PMF1: variants seen among roughly 807,000 people sequenced by gnomAD.
PMF1 encodes the protein polyamine-modulated factor 1.
A neutral mutation model predicts 26.7 loss-of-function variants in PMF1; 21 were observed. The ratio of observed to expected loss-of-function variants is 0.79; its 90% confidence interval spans 0.56 to 1.13. PMF1 has a LOEUF of 1.13. PMF1 is among the 50% of genes most tolerant of loss of function. PMF1 has a pLI of 0.00. For synonymous variants in PMF1, 105 were observed against 101.0 expected (o/e 1.04, Z -0.24); for missense variants, 266 against 254.9 (o/e 1.04, Z -0.30).
At chr1:156,217,598 C>T (rs562951617) in intron 1 of PMF1, among the ~76,000 whole-genome samples, 4 of 152,094 alleles carry the variant, frequency 2.6e-5, no homozygotes, top group Admixed American at 2.6e-4. Context: ...TCATAATGCC[C>T]ACCAGTAATC....
At chr1:156,217,743 A>AG (rs1168889416) in intron 1 of PMF1, among the ~76,000 whole-genome samples, 3 of 151,310 alleles carry the variant, frequency 2.0e-5, no homozygotes, top group Non-Finnish European at 4.4e-5. Context: ...AAAAAAAAAA[A>AG]CAAAACTAAC....
At chr1:156,226,079 TCCTGACCTCAAGTGATCCCCCCACTTCGG>T (rs1658355969) in intron 1 of PMF1, among the ~76,000 whole-genome samples, 1 of 152,162 alleles carries the variant, frequency 6.6e-6, no homozygotes, top group Non-Finnish European at 1.5e-5. Flanking sequence ...GGTCTCAAGC[TCCTGACCTCAAGTGATCCCCCCACTTCGG>T]CCTCCCAAAG....
At chr1:156,215,661 G>A (rs1024288670) in intron 1 of PMF1, among the ~76,000 whole-genome samples, 59 of 152,082 alleles carry the variant, frequency 3.9e-4, no homozygotes, top group Non-Finnish European at 8.2e-4. Flanking sequence ...CAGAGTGCTA[G>A]GATTACAGGC....
At position 156,213,183 on chromosome 1, in the gene PMF1, T is replaced by G; in HGVS notation, c.161+7T>G. 1 of 1,611,998 alleles carries G rather than the reference T, an allele frequency of 6.2e-7. No individual in the cohort carries two copies. The highest frequency in any genetic ancestry group is 1.3e-5 in the African/African-American group (1 of 75,036). Reference sequence around the variant, plus strand: ...AGCTGGTCGCCGCCGGCAGGTAAAGTGGACGCAGCCGCGGTGGGAGTGTTT... The same window carrying G: ...AGCTGGTCGCCGCCGGCAGGTAAAGGGGACGCAGCCGCGGTGGGAGTGTTT... On this transcript the variant is annotated splice_region_variant and intron_variant, in intron 1 of 4. Coordinates refer to ENST00000368277, the MANE Select transcript of PMF1 (RefSeq NM_007221.4).
intron 1 of PMF1, among the ~76,000 whole-genome samples, chr1:156,214,872 A>ATTTT (rs1228169844): frequency 3.4e-5 from 5 of 149,200 alleles, no homozygotes; most frequent in African/African-American, 1.2e-4. Context: ...TATTATTATT[A>ATTTT]TTATTATTAT....
rs1249390130 is a variant in PMF1, at chr1:156,213,117, GGTGA to G, written c.103_106del (p.Val35SerfsTer37). On this transcript the variant is annotated frameshift_variant, in exon 1 of 5. Coordinates refer to ENST00000368277, the MANE Select transcript of PMF1 (RefSeq NM_007221.4). LOFTEE classifies it high-confidence loss of function. ...TGCCACCCGGCACTACCATTTCGAG[GGTGA>G]AGCTCCTCGACACCATGGTGGACAC... 41 of 1,614,132 alleles carry G rather than the reference GGTGA, an allele frequency of 2.5e-5. No individual in the cohort carries two copies. The highest frequency in any genetic ancestry group is 3.5e-5 in the Non-Finnish European group (41 of 1,180,038).
chr1:156,218,871 T>G (rs890449194), intron 1 of PMF1, among the ~76,000 whole-genome samples: 1 of 152,194 alleles, frequency 6.6e-6, no homozygotes, highest in Non-Finnish European at 1.5e-5. Context: ...ATTCATTTTT[T>G]TTCACCTTAT....
chr1:156,239,484 G>C (rs1178052369), intron 4 of PMF1, 64 bp from the exon 5 acceptor site: 8 of 1,361,356 alleles, frequency 5.9e-6, no homozygotes, highest in African/African-American at 1.4e-5. Context: ...GTCAGGGACA[G>C]TGGAGGGCAA....
chr1:156,218,037 G>GT (rs1312205048), intron 1 of PMF1, among the ~76,000 whole-genome samples: 1 of 152,166 alleles, frequency 6.6e-6, no homozygotes, highest in Non-Finnish European at 1.5e-5. Flanking sequence ...CCGTCACTGG[G>GT]TTTTTTACCA....
At chr1:156,226,962 G>A (rs769698297) in intron 1 of PMF1, among the ~76,000 whole-genome samples, 1 of 152,092 alleles carries the variant, frequency 6.6e-6, no homozygotes, top group Non-Finnish European at 1.5e-5. Flanking sequence ...GAGGCTCCTG[G>A]GGGAGGACTC....
intron 1 of PMF1, among the ~76,000 whole-genome samples, chr1:156,223,190 G>A (rs1428086925): frequency 2.6e-5 from 4 of 152,264 alleles, no homozygotes; most frequent in South Asian, 2.1e-4. Context: ...CTTTCCCTCC[G>A]TATGTTTCCA....
intron 1 of PMF1, among the ~76,000 whole-genome samples, chr1:156,221,899 C>T (rs759710421): frequency 1.4e-4 from 21 of 152,148 alleles, no homozygotes; most frequent in Non-Finnish European, 2.6e-4. Flanking sequence ...CTCTCGCCTC[C>T]GACTCCTCCT....
intron 1 of PMF1, among the ~76,000 whole-genome samples, chr1:156,222,167 C>T (rs1379311133): frequency 6.6e-6 from 1 of 152,230 alleles, no homozygotes; most frequent in Non-Finnish European, 1.5e-5. Flanking sequence ...CGTGGGAGTA[C>T]AGCGCATGCA....
chr1:156,216,669 C>T (rs1405783689), intron 1 of PMF1, among the ~76,000 whole-genome samples: 3 of 151,740 alleles, frequency 2.0e-5, no homozygotes, highest in Non-Finnish European at 4.4e-5. Context: ...GCGGCGAGGG[C>T]TACCCTGCCC....
At chr1:156,216,738 C>T (rs1214008236) in intron 1 of PMF1, among the ~76,000 whole-genome samples, 1 of 147,622 alleles carries the variant, frequency 6.8e-6, no homozygotes, top group East Asian at 1.9e-4. Context: ...CCCACTGGCT[C>T]CGTGCCGTGC....
At chr1:156,213,275 C>T (rs1572472450) in intron 1 of PMF1, 99 bp downstream of exon 1, 2 of 1,529,588 alleles carry the variant, frequency 1.3e-6, no homozygotes, top group East Asian at 4.7e-5. Context: ...TGACGTGGGT[C>T]CGCGTTGGGG....
rs12731569 is a variant in PMF1, at chr1:156,225,542, T to C, written c.162-6778T>C. Reference sequence around the variant, plus strand: ...TCTGTTTGTTTTGTTCTCAGCCTGTTTGTTTTGTTCTCAGCTCTCCACTCC... The same window carrying C: ...TCTGTTTGTTTTGTTCTCAGCCTGTCTGTTTTGTTCTCAGCTCTCCACTCC... On this transcript the variant is annotated intron_variant, in intron 1 of 4. Coordinates refer to ENST00000368277, the MANE Select transcript of PMF1 (RefSeq NM_007221.4). 0.01 allele frequency: 14,906 copies of C among 1,464,784 alleles called. 1,232 individuals carry two copies. The African/African-American group carries it at 0.18, about 18-fold the overall frequency. The allele number at this position is 1,464,784 out of a possible 1,614,324, so 90.7% of individuals were successfully genotyped here.
chr1:156,236,682 G>C (rs918593111), intron 4 of PMF1, 199 bp downstream of exon 4: 49 of 695,030 alleles, frequency 7.1e-5, no homozygotes, highest in Middle Eastern at 3.8e-4. Flanking sequence ...GTCTCCCCCA[G>C]ATCCTCCACC....
intron 1 of PMF1, among the ~76,000 whole-genome samples, chr1:156,221,451 G>A (rs957347356): frequency 1.3e-5 from 2 of 152,162 alleles, no homozygotes; most frequent in Non-Finnish European, 2.9e-5. Context: ...AGCACATATT[G>A]CAGTCTGCTG....
Sources: gnomAD v4.1 joint callset for allele counts (sites outside exome capture counted in the v4.1 genomes callset) on GRCh38, gnomAD v4.1.1 for gene constraint, MANE v1.5 for transcripts, NCBI Gene and HGNC (gene_info 2026-07-23, HGNC 2026-07-21) for gene names.